Variants in ETV6 observed in about 807,000 individuals in gnomAD.
ETV6 encodes the protein transcription factor ETV6.
ETV6 carries 16 observed loss-of-function variants against 51.1 expected under a neutral mutation model. The observed-to-expected ratio is 0.31, with a 90% CI of 0.21 to 0.48. ETV6 has a LOEUF of 0.48. ETV6 is among the 20% of genes least tolerant of loss of function. The pLI, the probability that ETV6 is intolerant of heterozygous loss-of-function variation, is 0.99. For synonymous variants in ETV6, 240 were observed against 224.1 expected (o/e 1.07, Z -0.64); for missense variants, 458 against 594.8 (o/e 0.77, Z 2.39).
At chr12:11,658,138 T>C (rs2856318) in intron 1 of ETV6, among the ~76,000 whole-genome samples, 3,979 of 152,310 alleles carry the variant, frequency 0.026, 163 homozygotes, top group African/African-American at 0.09. Flanking sequence ...TCCTCCTTTA[T>C]ACATCCTCCA....
chr12:11,685,763 G>T lies in ETV6; in HGVS notation c.33+35603G>T, dbSNP rs180881646. Among the ~76,000 whole-genome samples the T allele has an allele frequency of 2.0e-5, 3 of 152,212 alleles. No individual in the cohort carries two copies. The East Asian group carries it at 5.8e-4, about 29-fold the overall frequency. On this transcript the variant is annotated intron_variant, in intron 1 of 7. Transcript: ENST00000396373. ...TCTTTTCTGTAATAAAGATAAAATG[G>T]GGCATTATGTTCATATGATTGAACA...
intron 2 of ETV6, among the ~76,000 whole-genome samples, chr12:11,759,184 T>A (rs185152652): frequency 1.2e-4 from 18 of 150,454 alleles, no homozygotes; most frequent in African/African-American, 3.9e-4. Flanking sequence ...AGAAAAAAAA[T>A]ATATAACCAG....
chr12:11,820,707 T>C (rs1238465602), intron 2 of ETV6, among the ~76,000 whole-genome samples: 2 of 152,008 alleles, frequency 1.3e-5, no homozygotes, highest in African/African-American at 4.8e-5. Flanking sequence ...TGGTGGGAGC[T>C]GGGTACAGAC....
intron 1 of ETV6, among the ~76,000 whole-genome samples, chr12:11,686,554 G>A (rs1045531299): frequency 1.3e-5 from 2 of 152,264 alleles, no homozygotes; most frequent in Non-Finnish European, 2.9e-5. Flanking sequence ...TTGAGATGCA[G>A]TCTCGCTCTG....
At chr12:11,691,536 A>C (rs1204995960) in intron 1 of ETV6, among the ~76,000 whole-genome samples, 1 of 152,260 alleles carries the variant, frequency 6.6e-6, no homozygotes, top group African/African-American at 2.4e-5. Context: ...GTATGTAGCT[A>C]TATAGATATG....
At chr12:11,680,683 A>G (rs922420952) in intron 1 of ETV6, among the ~76,000 whole-genome samples, 4 of 152,190 alleles carry the variant, frequency 2.6e-5, no homozygotes, top group Non-Finnish European at 5.9e-5. Flanking sequence ...CTTAGAAACT[A>G]ATTAGAGCAT....
intron 2 of ETV6, among the ~76,000 whole-genome samples, chr12:11,768,075 A>C (rs1476376993): frequency 6.6e-6 from 1 of 152,024 alleles, no homozygotes; most frequent in Non-Finnish European, 1.5e-5. Flanking sequence ...TCCTTGTCCA[A>C]ATTGGCTTCC....
intron 1 of ETV6, among the ~76,000 whole-genome samples, chr12:11,725,505 G>A (rs1007927110): frequency 6.6e-6 from 1 of 152,156 alleles, no homozygotes; most frequent in Non-Finnish European, 1.5e-5. Context: ...CTATTCTGAG[G>A]CTGAATTATG....
At chr12:11,664,076 T>C (rs997164631) in intron 1 of ETV6, among the ~76,000 whole-genome samples, 32 of 152,348 alleles carry the variant, frequency 2.1e-4, no homozygotes, top group African/African-American at 7.5e-4. Context: ...GGTTCCCACG[T>C]TGGCAAAGCA....
At chr12:11,731,453 A>G (rs562505092) in intron 1 of ETV6, among the ~76,000 whole-genome samples, 1 of 152,134 alleles carries the variant, frequency 6.6e-6, no homozygotes, top group South Asian at 2.1e-4. Flanking sequence ...CTTAATATTT[A>G]TATATAAAAG....
At chr12:11,853,090 G>T (rs900301069) in intron 3 of ETV6, among the ~76,000 whole-genome samples, 23 of 152,226 alleles carry the variant, frequency 1.5e-4, no homozygotes, top group African/African-American at 5.3e-4. Context: ...GGAGGGCTGA[G>T]GTGGGAGGAT....
At position 11,861,337 on chromosome 12, in the gene ETV6, G is replaced by T. The variant is rs142189778; in HGVS notation, c.463+7776G>T. 2.3e-3 allele frequency among the ~76,000 whole-genome samples: 352 copies of T among 152,180 alleles called. 2 individuals carry two copies. The highest frequency in any genetic ancestry group is 8.1e-3 in the African/African-American group (335 of 41,524). On this transcript the variant is annotated intron_variant, in intron 4 of 7. Transcript: ENST00000396373. ...CTGCAAGTCCTGCTTTCCTCTCCAGGACCTTTGTTCCTGCTTTGCTTCCTA... is the reference window on the plus strand; with the variant it reads ...CTGCAAGTCCTGCTTTCCTCTCCAGTACCTTTGTTCCTGCTTTGCTTCCTA...
At chr12:11,853,285 T>G in intron 3 of ETV6, 142 bp from the exon 4 acceptor site, 142 of 834,162 alleles carry the variant, frequency 1.7e-4, no homozygotes, top group Non-Finnish European at 2.6e-4. Flanking sequence ...CTGTGCCCCA[T>G]GAGCTTGGTG....
At chr12:11,655,342 T>C (rs191424147) in intron 1 of ETV6, among the ~76,000 whole-genome samples, 219 of 152,286 alleles carry the variant, frequency 1.4e-3, no homozygotes, top group Middle Eastern at 6.8e-3. Flanking sequence ...TCCGTGTGTA[T>C]TTGTTGAATA....
intron 1 of ETV6, among the ~76,000 whole-genome samples, chr12:11,748,120 TG>T (rs1302930931): frequency 2.0e-5 from 3 of 152,230 alleles, no homozygotes; most frequent in Non-Finnish European, 4.4e-5. Context: ...CCATCTTATC[TG>T]GGTTGCAGGT....
intron 2 of ETV6, among the ~76,000 whole-genome samples, chr12:11,790,610 G>A (rs1258064284): frequency 6.6e-6 from 1 of 151,164 alleles, no homozygotes; most frequent in Non-Finnish European, 1.5e-5. Flanking sequence ...GTCAACATAT[G>A]CATGTTCTTT....
intron 1 of ETV6, among the ~76,000 whole-genome samples, chr12:11,679,460 G>T (rs1864484731): frequency 6.6e-6 from 1 of 152,234 alleles, no homozygotes; most frequent in Non-Finnish European, 1.5e-5. Flanking sequence ...GGTAAAGCTT[G>T]CTAGTTCTTC....
At chr12:11,886,173 G>T in intron 7 of ETV6, 147 bp downstream of exon 7, 1 of 648,486 alleles carries the variant, frequency 1.5e-6, no homozygotes, top group Non-Finnish European at 2.8e-6. Flanking sequence ...CCAGGTACTG[G>T]TTTGTTAGGA....
intron 1 of ETV6, among the ~76,000 whole-genome samples, chr12:11,723,531 C>G (rs1865432736): frequency 6.6e-6 from 1 of 151,744 alleles, no homozygotes; most frequent in Non-Finnish European, 1.5e-5. Context: ...AAAGTATGAC[C>G]TTTGTGAGTT....
Sources: allele counts gnomAD v4.1 joint callset (sites outside exome capture counted in the v4.1 genomes callset), GRCh38; gene constraint gnomAD v4.1.1; transcripts MANE v1.5; gene names NCBI Gene and HGNC (gene_info 2026-07-23, HGNC 2026-07-21).